CAPZB: variants seen among roughly 807,000 people sequenced by gnomAD.
The protein encoded by CAPZB is F-actin-capping protein subunit beta.
A neutral mutation model predicts 38.1 loss-of-function variants in CAPZB; 2 were observed. That is an observed-to-expected ratio of 0.05 (90% confidence interval 0.02 to 0.17). CAPZB has a LOEUF of 0.17. Among genes scored for constraint, CAPZB ranks in the 10% least tolerant of loss-of-function variants. The probability of loss-of-function intolerance (pLI) is 1.00; values close to 1 mark genes in which losing one functional copy is unlikely to be tolerated. For missense variants in CAPZB, 161 were observed against 334.2 expected, an observed-to-expected ratio of 0.48 and a Z score of 4.04; for synonymous variants, 107 against 127.4, an observed-to-expected ratio of 0.84 and a Z score of 1.08.
intron 6 of CAPZB, among the ~76,000 whole-genome samples, chr1:19,347,563 T>C (rs1187879759): frequency 6.6e-6 from 1 of 152,214 alleles, no homozygotes. Context: ...GAACCATTTG[T>C]GCACTGCATA....
At chr1:19,461,171 G>A (rs1208047944) in intron 1 of CAPZB, among the ~76,000 whole-genome samples, 1 of 152,110 alleles carries the variant, frequency 6.6e-6, no homozygotes, top group Non-Finnish European at 1.5e-5. Context: ...TTAGTGGATG[G>A]GAGAATGGAT....
intron 1 of CAPZB, among the ~76,000 whole-genome samples, chr1:19,457,245 T>C (rs1196238974): frequency 6.6e-6 from 1 of 152,158 alleles, no homozygotes; most frequent in Non-Finnish European, 1.5e-5. Context: ...CATACTGTAA[T>C]GTGATCAAAT....
chr1:19,414,126 C>T (rs2094368981), intron 2 of CAPZB, among the ~76,000 whole-genome samples: 1 of 152,120 alleles, frequency 6.6e-6, no homozygotes, highest in Non-Finnish European at 1.5e-5. Flanking sequence ...TCCACTCACT[C>T]GTTCACTAAG....
intron 1 of CAPZB, among the ~76,000 whole-genome samples, chr1:19,478,900 A>G (rs2094617163): frequency 6.6e-6 from 1 of 152,172 alleles, no homozygotes; most frequent in South Asian, 2.1e-4. Context: ...CTGGAATATT[A>G]AAAAGTCATC....
rs11334966 is a variant in CAPZB at position 19,472,709 on chromosome 1, A to ATTTTTTTTTT, written c.3+12717_3+12726dup. Among the ~76,000 whole-genome samples the ATTTTTTTTTT allele has an allele frequency of 2.9e-4, 18 of 61,198 alleles. 2 individuals carry two copies. The highest frequency in any genetic ancestry group is 1.2e-3 in the African/African-American group (18 of 14,438). 40.1% of individuals were successfully genotyped at this position (61,198 alleles called of 152,430 possible). A position where few individuals can be genotyped will look rare whatever the true frequency, so the allele number is the denominator to read the frequency against. ...TGCAACTACTGCGCTTTCATTCTTCATTTTTTTTTTTTTTTTTTTTTTTTT... is the reference window on the plus strand; with the variant it reads ...TGCAACTACTGCGCTTTCATTCTTCATTTTTTTTTTTTTTTTTTTTTTTTTTTTTTTTTTT... On this transcript the variant is annotated intron_variant, in intron 1 of 8. Coordinates refer to ENST00000264202, the MANE Select transcript of CAPZB (RefSeq NM_004930.5).
At chr1:19,441,354 T>C (rs1967190) in intron 1 of CAPZB, among the ~76,000 whole-genome samples, 26,997 of 152,120 alleles carry the variant, frequency 0.18, 2,757 homozygotes, top group South Asian at 0.29. Context: ...AGTATAAGGG[T>C]GTACTCAGGA....
chr1:19,386,469 C>G (rs2094204671), intron 2 of CAPZB, among the ~76,000 whole-genome samples: 1 of 152,218 alleles, frequency 6.6e-6, no homozygotes, highest in African/African-American at 2.4e-5. Flanking sequence ...TTTCATGGGC[C>G]TGGGTTTATG....
At chr1:19,370,127 G>A (rs2094112015) in intron 4 of CAPZB, among the ~76,000 whole-genome samples, 1 of 152,200 alleles carries the variant, frequency 6.6e-6, no homozygotes, top group African/African-American at 2.4e-5. Flanking sequence ...ACAGGCCTGT[G>A]CGCCTCTCCC....
chr1:19,437,911 T>C (rs907294356), intron 1 of CAPZB, among the ~76,000 whole-genome samples: 3 of 152,198 alleles, frequency 2.0e-5, no homozygotes, highest in African/African-American at 7.2e-5. Flanking sequence ...GGGGTTGTTT[T>C]CCTAGGCTCC....
chr1:19,366,137 C>G (rs1158462465), intron 4 of CAPZB, among the ~76,000 whole-genome samples: 1 of 151,528 alleles, frequency 6.6e-6, no homozygotes, highest in Non-Finnish European at 1.5e-5. Flanking sequence ...GGAGTAGCAG[C>G]AAGACTTGGG....
chr1:19,463,033 T>C (rs1406128681), intron 1 of CAPZB, among the ~76,000 whole-genome samples: 1 of 152,238 alleles, frequency 6.6e-6, no homozygotes, highest in Non-Finnish European at 1.5e-5. Flanking sequence ...AAGATATCAT[T>C]AATGTGTAAT....
At chr1:19,371,637 T>C (rs539655642) in intron 4 of CAPZB, among the ~76,000 whole-genome samples, 1 of 152,128 alleles carries the variant, frequency 6.6e-6, no homozygotes, top group South Asian at 2.1e-4. Flanking sequence ...TCAGAGGCTT[T>C]TGGTGGGAGG....
At chr1:19,425,384 G>A (rs891863799) in intron 1 of CAPZB, among the ~76,000 whole-genome samples, 5 of 144,890 alleles carry the variant, frequency 3.5e-5, no homozygotes, top group Admixed American at 7.0e-5. Flanking sequence ...TTCTGATGCT[G>A]AGTGGTGAAC....
intron 1 of CAPZB, 84 bp from the exon 2 acceptor site, chr1:19,419,834 A>G (rs1272831603): frequency 1.2e-5 from 10 of 853,784 alleles, no homozygotes; most frequent in East Asian, 2.7e-5. Context: ...TGCTTGCCCA[A>G]GGCATTCTAA....
At chr1:19,389,979 T>TA (rs1423275591) in intron 2 of CAPZB, among the ~76,000 whole-genome samples, 8 of 152,194 alleles carry the variant, frequency 5.3e-5, no homozygotes, top group Non-Finnish European at 5.9e-5. Flanking sequence ...ACTCCACACC[T>TA]ACAGAGGCCA....
intron 1 of CAPZB, among the ~76,000 whole-genome samples, chr1:19,446,169 C>T (rs539370397): frequency 6.6e-6 from 1 of 152,308 alleles, no homozygotes; most frequent in East Asian, 1.9e-4. Context: ...CTGCCAGGCT[C>T]GCTTTAAAGC....
chr1:19,385,752 A>C, intron 2 of CAPZB, 126 bp from the exon 3 acceptor site: 1 of 1,052,790 alleles, frequency 9.5e-7, no homozygotes, highest in Non-Finnish European at 1.5e-6. Context: ...ACTGAGACAA[A>C]ATTATGGGCC....
At chr1:19,427,702 G>A (rs1459987212) in intron 1 of CAPZB, among the ~76,000 whole-genome samples, 2 of 152,216 alleles carry the variant, frequency 1.3e-5, no homozygotes, top group African/African-American at 2.4e-5. Context: ...TAGCTGTGCA[G>A]GAGGGAGATG....
At chr1:19,480,279 C>T (rs541482598) in intron 1 of CAPZB, among the ~76,000 whole-genome samples, 1 of 152,150 alleles carries the variant, frequency 6.6e-6, no homozygotes, top group Non-Finnish European at 1.5e-5. Context: ...CTACTGTGTG[C>T]CAAGCACTGG....
Sources: gnomAD v4.1 joint callset for allele counts (sites outside exome capture counted in the v4.1 genomes callset) on GRCh38, gnomAD v4.1.1 for gene constraint, MANE v1.5 for transcripts, NCBI Gene and HGNC (gene_info 2026-07-23, HGNC 2026-07-21) for gene names.